BNIP2: variants seen among roughly 807,000 people sequenced by gnomAD.
BNIP2 encodes the protein BCL2 interacting protein 2.
In BNIP2, 36 loss-of-function variants were observed where a neutral mutation model predicts 43.4. That is an observed-to-expected ratio of 0.83 (90% CI 0.64 to 1.10). The LOEUF is 1.10. Among genes scored for constraint, BNIP2 ranks in the 50% least tolerant of loss-of-function variants. The pLI is 0.00. For missense variants in BNIP2, 417 were observed against 374.1 expected, an observed-to-expected ratio of 1.11 and a Z score of -0.95; for synonymous variants, 146 against 121.0, an observed-to-expected ratio of 1.21 and a Z score of -1.35.
chr15:59,671,429 T>C, intron 6 of BNIP2, 115 bp from the exon 7 acceptor site: 1 of 870,660 alleles, frequency 1.1e-6, no homozygotes, highest in South Asian at 2.6e-5. Context: ...AGAGCAACAA[T>C]GAAAATGCTC....
At chr15:59,678,854 A>C (rs1893476371) in intron 4 of BNIP2, 2 of 1,302,946 alleles carry the variant, frequency 1.5e-6, no homozygotes, top group Non-Finnish European at 2.0e-6. Context: ...CATTAAAGAA[A>C]GAAGAGACAA....
intron 8 of BNIP2, 60 bp downstream of exon 8, chr15:59,669,216 T>C (rs1298939825): frequency 1.6e-6 from 2 of 1,223,532 alleles, no homozygotes; most frequent in East Asian, 2.7e-5. Context: ...TTATTATGTG[T>C]TAACTAAAAA....
At chr15:59,676,993 T>G (rs1374356207) in intron 5 of BNIP2, 1 of 1,613,586 alleles carries the variant, frequency 6.2e-7, no homozygotes, top group Non-Finnish European at 8.5e-7. Context: ...TGCTTGGTTA[T>G]CTCCATTTTG....
rs1487179845 is a variant in BNIP2 at position 59,669,490 on chromosome 15, C to G, written c.708-128G>C. ...CAAAAGTTCTCAATTAGGTGTGATA[C>G]CCCTGTAGACAAGAAAATGCACTCT... On this transcript the variant is annotated intron_variant, in intron 7 of 9. Transcript: ENST00000607373. 10 of 569,884 alleles carry G rather than the reference C, an allele frequency of 1.8e-5. No homozygotes were observed. The African/African-American group carries it at 1.8e-4, about 10-fold the overall frequency. 35.3% of individuals were successfully genotyped at this position (569,884 alleles called of 1,614,324 possible). A position where few individuals can be genotyped will look rare whatever the true frequency, so the allele number is the denominator to read the frequency against.
At chr15:59,672,831 G>T in intron 5 of BNIP2, 92 bp from the exon 6 acceptor site, 1 of 864,334 alleles carries the variant, frequency 1.2e-6, no homozygotes, top group Non-Finnish European at 1.8e-6. Context: ...TTATAAATAA[G>T]AGTTTACTTT....
intron 2 of BNIP2, among the ~76,000 whole-genome samples, chr15:59,680,823 C>A (rs1230564517): frequency 1.3e-5 from 2 of 152,204 alleles, no homozygotes; most frequent in South Asian, 4.1e-4. Flanking sequence ...GTTGCCCAGG[C>A]TGGTCTCAAG....
chr15:59,675,082 C>G (rs1457904090), intron 5 of BNIP2, among the ~76,000 whole-genome samples: 1 of 151,462 alleles, frequency 6.6e-6, no homozygotes, highest in South Asian at 2.1e-4. Flanking sequence ...AACCCCGTCT[C>G]TACTAAAAAT....
At chr15:59,664,335 T>TTA (rs1380738159) in intron 9 of BNIP2, among the ~76,000 whole-genome samples, 1 of 152,220 alleles carries the variant, frequency 6.6e-6, no homozygotes. Flanking sequence ...TGACCGTTGT[T>TTA]TCTTTAAAGA....
intron 5 of BNIP2, among the ~76,000 whole-genome samples, chr15:59,674,741 T>C (rs1893159601): frequency 6.6e-6 from 1 of 152,238 alleles, no homozygotes; most frequent in South Asian, 2.1e-4. Flanking sequence ...CAGTGAGTTG[T>C]GTTCTGACTT....
At chr15:59,675,841 T>C (rs992865037) in intron 5 of BNIP2, among the ~76,000 whole-genome samples, 1 of 152,194 alleles carries the variant, frequency 6.6e-6, no homozygotes, top group Non-Finnish European at 1.5e-5. Context: ...AAAAACTTCA[T>C]GCTGAAAAGT....
chr15:59,672,255 A>C (rs1158797314), intron 6 of BNIP2: 1 of 157,556 alleles, frequency 6.3e-6, no homozygotes, highest in African/African-American at 2.4e-5. Context: ...TTGTTCACAA[A>C]CTTGCACGTG....
At chr15:59,686,077 A>G (rs915940582) in intron 1 of BNIP2, among the ~76,000 whole-genome samples, 11 of 152,170 alleles carry the variant, frequency 7.2e-5, no homozygotes, top group Admixed American at 5.9e-4. Context: ...TCCTTATGCC[A>G]CTTACTTGTT....
chr15:59,669,058 G>C, intron 8 of BNIP2, 68 bp from the exon 9 acceptor site: 3 of 1,357,246 alleles, frequency 2.2e-6, no homozygotes, highest in East Asian at 2.4e-5. Context: ...ATGTTTACAA[G>C]ATACAAAAAT....
At position 59,676,951 on chromosome 15, in the gene BNIP2, C is replaced by T; in HGVS notation, c.472+960G>A. On this transcript the variant is annotated intron_variant, in intron 5 of 9. Transcript: ENST00000607373. Reference sequence around the variant, plus strand: ...CCCTCTGCGAGAACAGCATGATCCTCTCTGCTGCCATCTTCATCACCCTCT... The same window carrying T: ...CCCTCTGCGAGAACAGCATGATCCTTTCTGCTGCCATCTTCATCACCCTCT... 3 of 1,612,488 alleles carry T rather than the reference C, an allele frequency of 1.9e-6. No individual in the cohort carries two copies. In the South Asian group the frequency reaches 3.3e-5, roughly 18 times the overall value.
chr15:59,678,135 A>T (rs1341910390), intron 4 of BNIP2, 48 bp from the exon 5 acceptor site: 1 of 1,549,204 alleles, frequency 6.5e-7, no homozygotes, highest in Non-Finnish European at 8.7e-7. Context: ...CACAACAAAA[A>T]TCAAATTATA....
chr15:59,678,964 A>G, intron 4 of BNIP2: 1 of 767,180 alleles, frequency 1.3e-6, no homozygotes, highest in Non-Finnish European at 1.8e-6. Flanking sequence ...AAGAAACCAA[A>G]AATATAGCAT....
chr15:59,689,218 G>T lies in BNIP2; in HGVS notation c.-141C>A. The T allele has an allele frequency of 6.5e-7, 1 of 1,540,840 alleles. No homozygotes were observed. Among genetic ancestry groups the T allele is most frequent in the Non-Finnish European group, 8.7e-7 (1 of 1,146,360 alleles). On this transcript the variant is annotated 5_prime_UTR_variant, in exon 1 of 10. Transcript: ENST00000607373. Reference sequence around the variant, plus strand: ...CTGACGGCCAGGTCGCAAAAAGCAGGGCCGAGCGGAGCCCGCTCCCCTCGG... The same window carrying T: ...CTGACGGCCAGGTCGCAAAAAGCAGTGCCGAGCGGAGCCCGCTCCCCTCGG...
At chr15:59,676,450 A>G (rs1209834447) in intron 5 of BNIP2, among the ~76,000 whole-genome samples, 4 of 151,956 alleles carry the variant, frequency 2.6e-5, no homozygotes, top group African/African-American at 9.7e-5. Context: ...CAGCCTCCCA[A>G]ATTGCTGGGA....
chr15:59,674,080 A>G (rs1893107149), intron 5 of BNIP2, among the ~76,000 whole-genome samples: 1 of 125,370 alleles, frequency 8.0e-6, no homozygotes, highest in African/African-American at 2.8e-5. Flanking sequence ...ACAGAGCAAG[A>G]CTTGGGTCTC....
Sources: gnomAD v4.1 joint callset for allele counts (sites outside exome capture counted in the v4.1 genomes callset) on GRCh38, gnomAD v4.1.1 for gene constraint, MANE v1.5 for transcripts, NCBI Gene and HGNC (gene_info 2026-07-23, HGNC 2026-07-21) for gene names.